ARHGAP24: variants seen among roughly 807,000 people sequenced by gnomAD.
ARHGAP24 encodes rho GTPase-activating protein 24.
A neutral mutation model predicts 76.4 loss-of-function variants in ARHGAP24; 50 were observed. The ratio of observed to expected loss-of-function variants is 0.65; its 90% CI spans 0.52 to 0.83. ARHGAP24 has a LOEUF of 0.83. ARHGAP24 is among the 40% of genes least tolerant of loss of function. The pLI is 0.00. For missense variants in ARHGAP24, 930 were observed against 914.2 expected (o/e 1.02, Z -0.22); for synonymous variants, 345 against 323.3 (o/e 1.07, Z -0.72).
chr4:85,918,274 T>G (rs532764709), intron 3 of ARHGAP24, among the ~76,000 whole-genome samples: 1 of 152,012 alleles, frequency 6.6e-6, no homozygotes, highest in Non-Finnish European at 1.5e-5. Flanking sequence ...ATATCTACTT[T>G]TATATAATAA....
intron 3 of ARHGAP24, among the ~76,000 whole-genome samples, chr4:85,739,322 C>G (rs1468174018): frequency 6.6e-6 from 1 of 152,198 alleles, no homozygotes; most frequent in Non-Finnish European, 1.5e-5. Flanking sequence ...TGCCATAAGT[C>G]AGGGCATTAT....
At chr4:85,602,815 T>A (rs1720078015) in intron 2 of ARHGAP24, among the ~76,000 whole-genome samples, 1 of 152,336 alleles carries the variant, frequency 6.6e-6, no homozygotes, top group South Asian at 2.1e-4. Context: ...GGCGTCCTAT[T>A]CTAAATTCCT....
intron 2 of ARHGAP24, among the ~76,000 whole-genome samples, chr4:85,678,490 A>T (rs1421132911): frequency 6.6e-6 from 1 of 152,240 alleles, no homozygotes; most frequent in African/African-American, 2.4e-5. Context: ...TTTCAAAAAG[A>T]ATTTAAAGGA....
chr4:85,998,372 TTC>T (rs1740804224), intron 9 of ARHGAP24, among the ~76,000 whole-genome samples: 1 of 152,158 alleles, frequency 6.6e-6, no homozygotes, highest in Non-Finnish European at 1.5e-5. Flanking sequence ...ACTCTATTTT[TTC>T]TGATATTAAT....
intron 1 of ARHGAP24, among the ~76,000 whole-genome samples, chr4:85,564,287 C>T (rs562292074): frequency 2.9e-4 from 43 of 150,012 alleles, no homozygotes; most frequent in Middle Eastern, 6.8e-3. Context: ...TTTATGGCTG[C>T]AAGGACAAAA....
At chr4:85,889,747 C>T (rs1278174987) in intron 3 of ARHGAP24, among the ~76,000 whole-genome samples, 1 of 152,102 alleles carries the variant, frequency 6.6e-6, no homozygotes, top group African/African-American at 2.4e-5. Flanking sequence ...CTGAAATGGC[C>T]TCTTCTATAA....
chr4:85,558,142 G>C (rs566899905), intron 1 of ARHGAP24, among the ~76,000 whole-genome samples: 2 of 152,204 alleles, frequency 1.3e-5, no homozygotes, highest in East Asian at 3.9e-4. Flanking sequence ...GCCAGTCACT[G>C]TTGCTAGGGA....
intron 2 of ARHGAP24, among the ~76,000 whole-genome samples, chr4:85,687,572 T>C (rs1723474032): frequency 6.6e-6 from 1 of 152,220 alleles, no homozygotes; most frequent in African/African-American, 2.4e-5. Flanking sequence ...GCTGCATTCA[T>C]ATTGCAGCAA....
intron 3 of ARHGAP24, among the ~76,000 whole-genome samples, chr4:85,761,914 A>C (rs184187180): frequency 3.9e-5 from 6 of 152,300 alleles, no homozygotes; most frequent in Non-Finnish European, 2.9e-5. Flanking sequence ...GAGAAGGAAG[A>C]CTGAGTCCAT....
intron 2 of ARHGAP24, among the ~76,000 whole-genome samples, chr4:85,619,697 G>T (rs1020647901): frequency 5.9e-5 from 9 of 151,838 alleles, no homozygotes; most frequent in African/African-American, 1.4e-4. Context: ...TTATTCCTAA[G>T]AATTTTTTAT....
Position 85,784,108 on chromosome 4 carries a change from C to T in ARHGAP24, c.268+62136C>T, listed in dbSNP as rs951212452. 2.0e-5 allele frequency among the ~76,000 whole-genome samples: 3 copies of T among 152,166 alleles called. No homozygotes were observed. The East Asian group carries it at 5.8e-4, about 29-fold the overall frequency. On this transcript the variant is annotated intron_variant, in intron 3 of 9. Coordinates refer to ENST00000395184, the MANE Select transcript of ARHGAP24 (RefSeq NM_001025616.3). ...TATTTCTACCACAATATTGAAATGA[C>T]CTCTCAGAGGTTGCTCATGATGGCT...
At chr4:85,779,211 C>T (rs1175585706) in intron 3 of ARHGAP24, among the ~76,000 whole-genome samples, 1 of 152,070 alleles carries the variant, frequency 6.6e-6, no homozygotes, top group Non-Finnish European at 1.5e-5. Flanking sequence ...TATTTTAAAG[C>T]TTAGTTTAGG....
At chr4:85,660,750 C>A (rs28455507) in intron 2 of ARHGAP24, among the ~76,000 whole-genome samples, 1 of 129,022 alleles carries the variant, frequency 7.8e-6, no homozygotes, top group Non-Finnish European at 1.6e-5. Flanking sequence ...GAGCTGAGAT[C>A]GCGCCACAGC....
chr4:85,866,634 T>C (rs1354495791), intron 3 of ARHGAP24, among the ~76,000 whole-genome samples: 1 of 152,118 alleles, frequency 6.6e-6, no homozygotes, highest in Admixed American at 6.6e-5. Flanking sequence ...TGCTGAGCTG[T>C]TCTGTTCACC....
chr4:85,851,430 G>A (rs1283240547), intron 3 of ARHGAP24, among the ~76,000 whole-genome samples: 2 of 152,012 alleles, frequency 1.3e-5, no homozygotes, highest in African/African-American at 4.8e-5. Context: ...TTTTAATTGG[G>A]GCATTTAGCC....
intron 3 of ARHGAP24, among the ~76,000 whole-genome samples, chr4:85,724,583 G>A (rs1725096230): frequency 6.7e-6 from 1 of 148,792 alleles, no homozygotes; most frequent in African/African-American, 2.5e-5. Context: ...AATATCCCAT[G>A]AAACCAAGGA....
intron 3 of ARHGAP24, among the ~76,000 whole-genome samples, chr4:85,735,920 G>C (rs1012469692): frequency 6.6e-6 from 1 of 151,806 alleles, no homozygotes; most frequent in Non-Finnish European, 1.5e-5. Context: ...ATCTATCACC[G>C]TCTACAGGAC....
At chr4:85,717,879 C>T (rs1724789488) in intron 2 of ARHGAP24, among the ~76,000 whole-genome samples, 1 of 152,082 alleles carries the variant, frequency 6.6e-6, no homozygotes, top group South Asian at 2.1e-4. Flanking sequence ...TTCTTTCACA[C>T]ACTTCACATC....
chr4:85,672,189 G>A (rs977825338), intron 2 of ARHGAP24, among the ~76,000 whole-genome samples: 2 of 152,126 alleles, frequency 1.3e-5, no homozygotes, highest in African/African-American at 4.8e-5. Flanking sequence ...AAAGAAAAAA[G>A]AACATTGAGA....
Sources: gnomAD v4.1 joint callset for allele counts (sites outside exome capture counted in the v4.1 genomes callset) on GRCh38, gnomAD v4.1.1 for gene constraint, MANE v1.5 for transcripts, NCBI Gene and HGNC (gene_info 2026-07-23, HGNC 2026-07-21) for gene names.